Variants in LARGE1 observed in about 807,000 individuals in gnomAD.
The protein encoded by LARGE1 is LARGE xylosyl- and glucuronyltransferase 1, also known as xylosyl- and glucuronyltransferase LARGE1.
In LARGE1, 43 loss-of-function variants were observed where a neutral mutation model predicts 87.6. That is an observed-to-expected ratio of 0.49 (90% CI 0.38 to 0.63). LARGE1 has a LOEUF of 0.63. Among genes scored for constraint, LARGE1 ranks in the 30% least tolerant of loss-of-function variants. The pLI is 0.00. For missense variants in LARGE1, 802 were observed against 1,000.2 expected (o/e 0.80, Z 2.67); for synonymous variants, 434 against 394.6 (o/e 1.10, Z -1.18).
At chr22:33,321,788 A>G (rs1936738635) in intron 10 of LARGE1, among the ~76,000 whole-genome samples, 1 of 152,126 alleles carries the variant, frequency 6.6e-6, no homozygotes, top group African/African-American at 2.4e-5. Context: ...AAACACATGC[A>G]TGTATGGGGG....
At chr22:33,159,173 ATTCTC>A (rs1225054863), downstream of LARGE1, among the ~76,000 whole-genome samples, 2 of 151,920 alleles carry the variant, frequency 1.3e-5, no homozygotes, top group Non-Finnish European at 2.9e-5. Context: ...TGATTCCATC[ATTCTC>A]TTCTATCTTG....
In LARGE1 at chr22:33,505,605, T is replaced by C. The variant is rs759273209; in HGVS notation, c.787+59243A>G. ...AAGGGAGAAGTTACAAGAGGAGATTTTGGGCTGAATATGAAGAACTTTCAA... is the reference window on the plus strand; with the variant it reads ...AAGGGAGAAGTTACAAGAGGAGATTCTGGGCTGAATATGAAGAACTTTCAA... On this transcript the variant is annotated intron_variant, in intron 6 of 14. Transcript: ENST00000397394. Among the ~76,000 whole-genome samples, 5 of 152,246 alleles carry C rather than the reference T, an allele frequency of 3.3e-5. No individual in the cohort carries two copies. The South Asian group carries it at 1.0e-3, about 32-fold the overall frequency.
chr22:33,268,165 G>T (rs1041779222), downstream of LARGE1, among the ~76,000 whole-genome samples: 1 of 151,280 alleles, frequency 6.6e-6, no homozygotes, highest in Non-Finnish European at 1.5e-5. Flanking sequence ...TGTTGGCCAG[G>T]CTGGTCTGGA....
chr22:33,474,290 A>C (rs1204392101), intron 6 of LARGE1, among the ~76,000 whole-genome samples: 1 of 151,996 alleles, frequency 6.6e-6, no homozygotes, highest in African/African-American at 2.4e-5. Context: ...CAGCCTCCCA[A>C]GTAGCTGGGA....
chr22:33,674,612 A>G (rs1443484842), intron 2 of LARGE1, among the ~76,000 whole-genome samples: 1 of 152,176 alleles, frequency 6.6e-6, no homozygotes, highest in East Asian at 1.9e-4. Context: ...AAACTGTCTC[A>G]TCCATCTCTC....
chr22:33,174,817 T>A (rs1203236612), intron 11 of LARGE1, among the ~76,000 whole-genome samples: 1 of 152,094 alleles, frequency 6.6e-6, no homozygotes, highest in Non-Finnish European at 1.5e-5. Flanking sequence ...CTGAATAGAC[T>A]AATAGCAAGT....
chr22:33,811,232 T>C (rs1165550536), intron 1 of LARGE1, among the ~76,000 whole-genome samples: 1 of 152,214 alleles, frequency 6.6e-6, no homozygotes, highest in African/African-American at 2.4e-5. Context: ...CTGGTATTAC[T>C]GTATTTCTTA....
chr22:33,196,819 A>T (rs551451190), intron 11 of LARGE1, among the ~76,000 whole-genome samples: 1 of 152,258 alleles, frequency 6.6e-6, no homozygotes, highest in African/African-American at 2.4e-5. Flanking sequence ...TGAAAAAAGA[A>T]GAGAAAAGAG....
intron 1 of LARGE1, among the ~76,000 whole-genome samples, chr22:33,761,845 T>C (rs546189006): frequency 1.5e-4 from 23 of 152,250 alleles, no homozygotes; most frequent in Middle Eastern, 3.4e-3. Flanking sequence ...CTTCGAGACC[T>C]GAACTAACAT....
At chr22:33,283,788 G>A (rs541767743) in intron 12 of LARGE1, among the ~76,000 whole-genome samples, 3 of 145,008 alleles carry the variant, frequency 2.1e-5, no homozygotes, top group Non-Finnish European at 3.0e-5. Context: ...AAAAAGGTGG[G>A]GGGAAGAAAG....
intron 5 of LARGE1, among the ~76,000 whole-genome samples, chr22:33,566,397 T>C (rs1473215669): frequency 2.6e-5 from 4 of 152,174 alleles, no homozygotes; most frequent in African/African-American, 9.7e-5. Flanking sequence ...TCAAACCAAA[T>C]GAAACACATT....
intron 1 of LARGE1, among the ~76,000 whole-genome samples, chr22:33,829,470 G>C (rs1216503056): frequency 1.3e-5 from 2 of 152,036 alleles, no homozygotes; most frequent in African/African-American, 4.8e-5. Context: ...AGATCCACTG[G>C]GACAGGGCTT....
At chr22:33,117,668 C>T in the LARGE1 span, among the ~76,000 whole-genome samples, 27 of 152,032 alleles carry the variant, frequency 1.8e-4, no homozygotes, top group Admixed American at 4.6e-4. Flanking sequence ...ATGAGGACTT[C>T]GAAAATAAAA....
chr22:33,267,371 T>G (rs1448686208), intron 11 of LARGE1, among the ~76,000 whole-genome samples: 1 of 151,776 alleles, frequency 6.6e-6, no homozygotes, highest in Non-Finnish European at 1.5e-5. Context: ...AAGATAGCTC[T>G]GAACAATATT....
chr22:33,504,539 C>T (rs1160245878), intron 6 of LARGE1, among the ~76,000 whole-genome samples: 1 of 152,136 alleles, frequency 6.6e-6, no homozygotes, highest in Non-Finnish European at 1.5e-5. Flanking sequence ...GGATTACAGG[C>T]GTGAGCCATT....
intron 1 of LARGE1, among the ~76,000 whole-genome samples, chr22:33,830,205 T>C (rs1201426743): frequency 1.3e-5 from 2 of 151,712 alleles, no homozygotes; most frequent in African/African-American, 2.4e-5. Flanking sequence ...CAAGAGACAC[T>C]CCATCTGTAA....
intron 1 of LARGE1, among the ~76,000 whole-genome samples, chr22:33,803,148 C>A (rs762230560): frequency 6.6e-6 from 1 of 152,170 alleles, no homozygotes; most frequent in Admixed American, 6.5e-5. Flanking sequence ...GCATTCATGA[C>A]CCTCCTCTTA....
At chr22:33,422,459 A>G (rs1254376692) in intron 7 of LARGE1, among the ~76,000 whole-genome samples, 3 of 151,666 alleles carry the variant, frequency 2.0e-5, no homozygotes, top group Non-Finnish European at 4.4e-5. Flanking sequence ...GGTACCTCAC[A>G]TGGCCAGAGC....
intron 6 of LARGE1, among the ~76,000 whole-genome samples, chr22:33,487,882 C>T (rs1471298006): frequency 6.6e-6 from 1 of 152,136 alleles, no homozygotes; most frequent in African/African-American, 2.4e-5. Flanking sequence ...TTTAAGCCTG[C>T]CATGAATATT....
Sources: allele counts gnomAD v4.1 joint callset (sites outside exome capture counted in the v4.1 genomes callset), GRCh38; gene constraint gnomAD v4.1.1; transcripts MANE v1.5; gene names NCBI Gene and HGNC (gene_info 2026-07-23, HGNC 2026-07-21).